PDS5B: variants seen among roughly 807,000 people sequenced by gnomAD.
PDS5B encodes the protein sister chromatid cohesion protein PDS5 homolog B.
Under a neutral mutation model 184.1 loss-of-function variants are expected in PDS5B, and 51 were observed. That is an observed-to-expected ratio of 0.28 (90% CI 0.22 to 0.35). The LOEUF (loss-of-function observed/expected upper bound fraction) is 0.35, where lower values mean the gene tolerates loss of function less well. Ranked by LOEUF, PDS5B falls within the 10% of genes least tolerant of loss-of-function variation. PDS5B has a pLI of 1.00. For synonymous variants in PDS5B, 566 were observed against 569.2 expected, an observed-to-expected ratio of 0.99 and a Z score of 0.08; for missense variants, 1,180 against 1,723.3, an observed-to-expected ratio of 0.68 and a Z score of 5.58.
intron 13 of PDS5B, chr13:32,691,016 T>C (rs1177433190): frequency 1.3e-5 from 2 of 152,192 alleles, no homozygotes; most frequent in Non-Finnish European, 2.9e-5. Context: ...TTTAATTATG[T>C]AATAATAAAG....
intron 31 of PDS5B, among the ~76,000 whole-genome samples, chr13:32,765,264 G>T (rs977735975): frequency 3.9e-5 from 6 of 152,046 alleles, no homozygotes; most frequent in Non-Finnish European, 7.4e-5. Flanking sequence ...TAGGCTATCA[G>T]AATCAATTTT....
intron 24 of PDS5B, among the ~76,000 whole-genome samples, chr13:32,751,041 C>T (rs1346543686): frequency 6.6e-6 from 1 of 152,154 alleles, no homozygotes; most frequent in African/African-American, 2.4e-5. Flanking sequence ...TACCCTCCAC[C>T]CTCAAGAAGG....
At chr13:32,621,672 A>AT (rs67595158) in intron 1 of PDS5B, among the ~76,000 whole-genome samples, 47 of 151,460 alleles carry the variant, frequency 3.1e-4, no homozygotes, top group South Asian at 4.2e-4. Context: ...TGTTAATTAC[A>AT]TTTTTTTTTC....
At chr13:32,717,631 A>G (rs1432228203) in intron 19 of PDS5B, among the ~76,000 whole-genome samples, 1 of 136,742 alleles carries the variant, frequency 7.3e-6, no homozygotes, top group African/African-American at 2.7e-5. Context: ...TCCCTCCACT[A>G]TTGTCCTATG....
Position 32,755,809 on chromosome 13 carries a change from T to G in PDS5B, c.2942-33T>G, listed in dbSNP as rs747339098. On this transcript the variant is annotated intron_variant, in intron 25 of 34. Transcript: ENST00000315596. ...TTTGTTTTTTGCTTTTTCTTTTGTT[T>G]TTTTTTGTTTGTTTGTTTGTTTTCT... The G allele has an allele frequency of 9.3e-6, 10 of 1,074,628 alleles. No homozygotes were observed. The African/African-American group carries it at 1.1e-4, about 12-fold the overall frequency. The allele number at this position is 1,074,628 out of a possible 1,614,324, so 66.6% of individuals were successfully genotyped here. A position where few individuals can be genotyped will look rare whatever the true frequency, so the allele number is the denominator to read the frequency against.
intron 1 of PDS5B, among the ~76,000 whole-genome samples, chr13:32,637,078 C>T (rs940195883): frequency 3.3e-5 from 5 of 152,066 alleles, no homozygotes; most frequent in African/African-American, 4.8e-5. Context: ...GGAACTTATT[C>T]GAAGGGCAGT....
At chr13:32,640,926 G>A (rs1429083493) in intron 1 of PDS5B, among the ~76,000 whole-genome samples, 2 of 151,780 alleles carry the variant, frequency 1.3e-5, no homozygotes, top group South Asian at 2.1e-4. Context: ...GCGTGGTGGC[G>A]AGCTCCTGTA....
At chr13:32,746,790 A>G (rs770866361) in intron 24 of PDS5B, among the ~76,000 whole-genome samples, 12 of 152,004 alleles carry the variant, frequency 7.9e-5, no homozygotes, top group African/African-American at 2.4e-4. Context: ...TTAGCTGGGA[A>G]TGTGCACATC....
chr13:32,685,829 A>G (rs555244659), intron 11 of PDS5B, among the ~76,000 whole-genome samples: 2 of 151,990 alleles, frequency 1.3e-5, no homozygotes, highest in East Asian at 1.9e-4. Context: ...TATTAGAGAC[A>G]GGGTCTCACT....
chr13:32,757,703 G>A (rs1307948967), intron 26 of PDS5B, among the ~76,000 whole-genome samples: 3 of 152,192 alleles, frequency 2.0e-5, no homozygotes, highest in Non-Finnish European at 4.4e-5. Context: ...CATCAGGACT[G>A]TAGTCAGTCT....
chr13:32,751,460 A>G (rs1212775006), intron 24 of PDS5B, among the ~76,000 whole-genome samples: 1 of 152,202 alleles, frequency 6.6e-6, no homozygotes, highest in Non-Finnish European at 1.5e-5. Context: ...GGCTAAACTA[A>G]TTTACATTCT....
At position 32,692,414 on chromosome 13, in the gene PDS5B, CCTTTTTTT is replaced by C. The variant is rs1428449724; in HGVS notation, c.1470-1808_1470-1801del. 1.3e-4 allele frequency among the ~76,000 whole-genome samples: 9 copies of C among 69,122 alleles called. 2 individuals are homozygous for C. The highest frequency in any genetic ancestry group is 2.0e-4 in the Non-Finnish European group (7 of 35,734). The allele number at this position is 69,122 out of a possible 152,430, so 45.3% of individuals were successfully genotyped here. ...ATTAAACAAGTTTGCGTCCAAAAAG[CCTTTTTTT>C]TTTTTTTTTTTTTTTTTTTTGAGAT... On this transcript the variant is annotated intron_variant, in intron 13 of 34. Coordinates refer to ENST00000315596, the MANE Select transcript of PDS5B (RefSeq NM_015032.4).
rs1159297568 is a variant in PDS5B at position 32,753,352 on chromosome 13, A to G, written c.2757A>G (p.Arg919=). 6.2e-7 allele frequency: 1 copy of G among 1,613,532 alleles called. No homozygotes were observed. The highest frequency in any genetic ancestry group is 2.2e-5 in the East Asian group (1 of 44,882). ...TACAGGATGAATGCTATCAAGTAAG[A>G]CAAGTGTTTGCCCAGAAACTTCACA... ...LAINDECYQV[R]QVFAQKLHKG... The change falls in exon 25 of 35, where the codon AGA becomes AGG. Residue 919 remains arginine (R), a synonymous_variant. Transcript: ENST00000315596.
chr13:32,725,646 C>T (rs142600149), intron 19 of PDS5B, among the ~76,000 whole-genome samples: 49 of 152,218 alleles, frequency 3.2e-4, no homozygotes, highest in Middle Eastern at 6.8e-3. Context: ...TTTGTTTATA[C>T]GGATACTTAC....
chr13:32,595,560 T>C (rs7337687), intron 1 of PDS5B, among the ~76,000 whole-genome samples: 50,402 of 151,852 alleles, frequency 0.33, 8,695 homozygotes, highest in Non-Finnish European at 0.39. Context: ...ACAATAGAGG[T>C]ATACACAGAG....
At chr13:32,744,979 A>G (rs1337024707) in intron 23 of PDS5B, among the ~76,000 whole-genome samples, 1 of 152,072 alleles carries the variant, frequency 6.6e-6, no homozygotes, top group Admixed American at 6.6e-5. Flanking sequence ...AGGAGTTACA[A>G]CTTCTCCCTC....
chr13:32,748,167 T>C (rs907953849), intron 24 of PDS5B, among the ~76,000 whole-genome samples: 2 of 152,226 alleles, frequency 1.3e-5, no homozygotes, highest in Non-Finnish European at 2.9e-5. Flanking sequence ...AGCTTTTCTG[T>C]AATCTGTTCT....
In PDS5B at chr13:32,770,121, T is replaced by C. The variant is rs199994437; in HGVS notation, c.3625T>C (p.Ser1209Pro). 6.3e-7 allele frequency: 1 copy of C among 1,585,168 alleles called. No homozygotes were observed. Among genetic ancestry groups the C allele is most frequent in the Admixed American group, 1.9e-5 (1 of 52,834 alleles). The change falls in exon 32 of 35, where the codon TCT becomes CCT. Residue 1209 changes from serine (S) to proline (P), a missense_variant and splice_region_variant. By Grantham distance (74) the Ser-to-Pro change is moderately conservative. This residue lies in a region of PDS5B where 465 missense variants were observed against 497.8 expected (regional missense o/e 0.93). Transcript: ENST00000315596. Reference protein sequence around the residue: ...DKRDDSDLVRSELEKPRGRKK... With the variant: ...DKRDDSDLVRPELEKPRGRKK... ...AATTGTGATTTTTTTTTTCCCCTAG[T>C]CTGAATTGGAGAAGCCTAGAGGCAG...
intron 1 of PDS5B, among the ~76,000 whole-genome samples, chr13:32,607,875 A>G (rs942078825): frequency 2.6e-5 from 4 of 152,194 alleles, no homozygotes; most frequent in South Asian, 4.1e-4. Flanking sequence ...GCGGGATATA[A>G]TCTCCTGGTG....
Sources: allele counts gnomAD v4.1 joint callset (sites outside exome capture counted in the v4.1 genomes callset), GRCh38; gene constraint gnomAD v4.1.1; regional missense constraint gnomAD v4.1.1; transcripts MANE v1.5; gene names NCBI Gene and HGNC (gene_info 2026-07-23, HGNC 2026-07-21).